SNRNP27: variants seen among roughly 807,000 people sequenced by gnomAD.
The protein encoded by SNRNP27 is small nuclear ribonucleoprotein U4/U6.U5 subunit 27.
Under a neutral mutation model 25.1 loss-of-function variants are expected in SNRNP27, and 22 were observed. The observed-to-expected ratio is 0.88, with a 90% CI of 0.63 to 1.25. The LOEUF (loss-of-function observed/expected upper bound fraction) is 1.25, where lower values mean the gene tolerates loss of function less well. SNRNP27 is among the 50% of genes most tolerant of loss of function. SNRNP27 has a pLI of 0.00. For synonymous variants in SNRNP27, 66 were observed against 64.9 expected, an observed-to-expected ratio of 1.02 and a Z score of -0.08; for missense variants, 150 against 202.3, an observed-to-expected ratio of 0.74 and a Z score of 1.57.
At chr2:69,896,589 A>T (rs776334746) in intron 3 of SNRNP27, 41 bp downstream of exon 3, 7 of 1,510,460 alleles carry the variant, frequency 4.6e-6, no homozygotes, top group Non-Finnish European at 6.3e-6. Context: ...AAGTACAGTG[A>T]TGATAAAATT....
intron 3 of SNRNP27, 114 bp from the exon 4 acceptor site, chr2:69,897,263 T>G: frequency 1.5e-6 from 1 of 652,300 alleles, no homozygotes; most frequent in Non-Finnish European, 2.7e-6. Flanking sequence ...GCTAATTGTT[T>G]TGTGTGTTCT....
intron 1 of SNRNP27, among the ~76,000 whole-genome samples, chr2:69,894,754 T>A (rs1414029221): frequency 6.6e-6 from 1 of 152,082 alleles, no homozygotes; most frequent in Admixed American, 6.5e-5. Context: ...CGATCTCAGC[T>A]CACTGCAACC....
intron 1 of SNRNP27, 100 bp from the exon 2 acceptor site, chr2:69,894,994 A>T: frequency 1.3e-6 from 2 of 1,500,054 alleles, no homozygotes; most frequent in South Asian, 1.3e-5. Context: ...TACCTTTTTA[A>T]TGTGACTAGT....
At chr2:69,897,644 G>A (rs555964967) in intron 4 of SNRNP27, 188 bp downstream of exon 4, 241 of 556,522 alleles carry the variant, frequency 4.3e-4, no homozygotes, top group Admixed American at 7.5e-4. Flanking sequence ...TGCCAGGGAC[G>A]ATGTTTGAAT....
intron 1 of SNRNP27, among the ~76,000 whole-genome samples, chr2:69,894,636 T>C (rs1676567371): frequency 6.6e-6 from 1 of 152,068 alleles, no homozygotes; most frequent in African/African-American, 2.4e-5. Context: ...GAGATCTAAC[T>C]TAGACCCTCG....
At chr2:69,902,938 C>CTTTTTTTTTTTTTTTTTTT (rs761833954) in intron 4 of SNRNP27, among the ~76,000 whole-genome samples, 2 of 92,412 alleles carry the variant, frequency 2.2e-5, no homozygotes, top group Admixed American at 1.3e-4. Flanking sequence ...TCTTCTTCTT[C>CTTTTTTTTTTTTTTTTTTT]TTTTTTTTTT....
chr2:69,894,770 C>G (rs1314700291), intron 1 of SNRNP27, among the ~76,000 whole-genome samples: 1 of 152,136 alleles, frequency 6.6e-6, no homozygotes, highest in Non-Finnish European at 1.5e-5. Flanking sequence ...CAACCTCCAC[C>G]TCCTGGGTTC....
intron 3 of SNRNP27, 93 bp downstream of exon 3, chr2:69,896,641 T>C: frequency 7.9e-7 from 1 of 1,267,936 alleles, no homozygotes; most frequent in South Asian, 1.5e-5. Flanking sequence ...AAGCCTTTTA[T>C]AGTATTCATT....
chr2:69,895,988 T>G (rs1291876508), intron 2 of SNRNP27, among the ~76,000 whole-genome samples: 1 of 133,410 alleles, frequency 7.5e-6, no homozygotes, highest in African/African-American at 3.0e-5. Context: ...TTTTTTTTTT[T>G]GAGAGAGAGG....
chr2:69,894,878 C>T (rs1055621807), intron 1 of SNRNP27, among the ~76,000 whole-genome samples: 6 of 152,110 alleles, frequency 3.9e-5, no homozygotes, highest in Non-Finnish European at 5.9e-5. Context: ...GACGGGGTTT[C>T]GCCGCGTTGG....
At chr2:69,901,377 A>G (rs374255256) in intron 4 of SNRNP27, among the ~76,000 whole-genome samples, 6 of 152,148 alleles carry the variant, frequency 3.9e-5, no homozygotes, top group African/African-American at 1.4e-4. Flanking sequence ...GAAAGTGGGT[A>G]TGTTGAGTTG....
intron 4 of SNRNP27, among the ~76,000 whole-genome samples, chr2:69,902,394 T>C (rs1440287241): frequency 6.6e-6 from 1 of 152,066 alleles, no homozygotes; most frequent in Non-Finnish European, 1.5e-5. Flanking sequence ...CTGCTGCTCC[T>C]GCTTCTTCTG....
At chr2:69,896,353 A>G in intron 2 of SNRNP27, 83 bp from the exon 3 acceptor site, 1 of 1,264,826 alleles carries the variant, frequency 7.9e-7, no homozygotes. Flanking sequence ...GGTTCTGTGG[A>G]GCTCACCTCA....
chr2:69,895,185 C>T lies in SNRNP27; in HGVS notation c.126C>T (p.Arg42=). 1.2e-6 allele frequency: 2 copies of T among 1,614,150 alleles called. No homozygotes were observed. Among genetic ancestry groups the T allele is most frequent in the African/African-American group, 1.3e-5 (1 of 75,058 alleles). The change falls in exon 2 of 6, where the codon CGC becomes CGT. Residue 42 remains arginine, a synonymous_variant. Coordinates refer to ENST00000244227, the MANE Select transcript of SNRNP27 (RefSeq NM_006857.3). ...GGGAGAGAGATCGGAGAAGGAGCCG[C>T]TCGCGATCCCCGCACCGAAGACGCT... is the stretch of plus-strand genomic sequence containing the variant. ...RSRERDRRRS[R]SRSPHRRRSR...
At chr2:69,899,995 T>TA (rs1676668058) in intron 4 of SNRNP27, among the ~76,000 whole-genome samples, 1 of 151,888 alleles carries the variant, frequency 6.6e-6, no homozygotes, top group South Asian at 2.1e-4. Flanking sequence ...TTTTTTTTTT[T>TA]TTATTTTTGA....
intron 4 of SNRNP27, among the ~76,000 whole-genome samples, chr2:69,901,348 C>A (rs1341057647): frequency 2.6e-5 from 4 of 152,084 alleles, no homozygotes; most frequent in African/African-American, 9.7e-5. Flanking sequence ...GCAATTCAGG[C>A]ATGAGGAACA....
chr2:69,896,630 T>A, intron 3 of SNRNP27, 82 bp downstream of exon 3: 1 of 1,371,282 alleles, frequency 7.3e-7, no homozygotes, highest in Non-Finnish European at 9.8e-7. Flanking sequence ...ATTTAAATGT[T>A]AAGCCTTTTA....
At chr2:69,903,824 T>G (rs1243002476) in intron 5 of SNRNP27, among the ~76,000 whole-genome samples, 1 of 152,206 alleles carries the variant, frequency 6.6e-6, no homozygotes, top group South Asian at 2.1e-4. Flanking sequence ...AGAATCATCT[T>G]GGACAGTCTT....
intron 3 of SNRNP27, among the ~76,000 whole-genome samples, chr2:69,897,069 TG>T (rs1384062820): frequency 6.6e-6 from 1 of 152,214 alleles, no homozygotes; most frequent in East Asian, 1.9e-4. Flanking sequence ...TATTCTATTT[TG>T]GAAGTGTCTT....
Sources: allele counts gnomAD v4.1 joint callset (sites outside exome capture counted in the v4.1 genomes callset), GRCh38; gene constraint gnomAD v4.1.1; transcripts MANE v1.5; gene names NCBI Gene and HGNC (gene_info 2026-07-23, HGNC 2026-07-21).